Variants in SCD5 observed in about 807,000 individuals in gnomAD.
SCD5 encodes acyl-CoA-desaturase 4.
A neutral mutation model predicts 30.4 loss-of-function variants in SCD5; 20 were observed. The ratio of observed to expected loss-of-function variants is 0.66; its 90% confidence interval spans 0.46 to 0.96. SCD5 has a LOEUF of 0.96. SCD5 is among the 40% of genes least tolerant of loss of function. The probability of loss-of-function intolerance (pLI) is 0.00; values close to 1 mark genes in which losing one functional copy is unlikely to be tolerated. For synonymous variants in SCD5, 173 were observed against 176.4 expected (o/e 0.98, Z 0.16); for missense variants, 381 against 443.3 (o/e 0.86, Z 1.26).
intron 2 of SCD5, among the ~76,000 whole-genome samples, chr4:82,686,010 CTT>C (rs1169222476): frequency 5.5e-5 from 8 of 144,782 alleles, no homozygotes; most frequent in Admixed American, 1.4e-4. Context: ...GGCTTATGCA[CTT>C]TTTTTTTTTT....
chr4:82,787,505 C>A (rs76616958), intron 1 of SCD5, among the ~76,000 whole-genome samples: 9 of 152,152 alleles, frequency 5.9e-5, no homozygotes, highest in African/African-American at 2.2e-4. Context: ...TCAGCAGCCA[C>A]GCCCTCCGCT....
At chr4:82,792,982 A>G (rs1470390035) in intron 1 of SCD5, among the ~76,000 whole-genome samples, 1 of 152,138 alleles carries the variant, frequency 6.6e-6, no homozygotes, top group African/African-American at 2.4e-5. Context: ...ATCTATGTTC[A>G]TACTTGTTGG....
intron 4 of SCD5, 40 bp from the exon 5 acceptor site, chr4:82,631,557 CCT>C: frequency 6.3e-7 from 1 of 1,596,068 alleles, no homozygotes; most frequent in Non-Finnish European, 8.6e-7. Flanking sequence ...TCAATCACCA[CCT>C]CTCTGCATAG....
At chr4:82,653,707 T>TAGATAGATAGATAGAG (rs34976357) in intron 3 of SCD5, among the ~76,000 whole-genome samples, 3 of 61,630 alleles carry the variant, frequency 4.9e-5, no homozygotes, top group Non-Finnish European at 1.0e-4. Context: ...GATAGATAGA[T>TAGATAGATAGATAGAG]ATAGATAGAT....
intron 1 of SCD5, among the ~76,000 whole-genome samples, chr4:82,727,527 C>T (rs1720530624): frequency 1.3e-5 from 2 of 152,218 alleles, no homozygotes; most frequent in Non-Finnish European, 2.9e-5. Context: ...ACAGCTGCTG[C>T]TCCATGCTTT....
At chr4:82,749,469 T>C (rs1039040944) in intron 1 of SCD5, among the ~76,000 whole-genome samples, 4 of 152,224 alleles carry the variant, frequency 2.6e-5, no homozygotes, top group Non-Finnish European at 5.9e-5. Flanking sequence ...AAATAATGAA[T>C]ATACCAATTT....
chr4:82,792,491 C>T (rs1267915443), intron 1 of SCD5, among the ~76,000 whole-genome samples: 1 of 152,200 alleles, frequency 6.6e-6, no homozygotes, highest in South Asian at 2.1e-4. Flanking sequence ...AGGAGGATCG[C>T]TGGATCCCAA....
intron 1 of SCD5, among the ~76,000 whole-genome samples, chr4:82,781,021 AG>A (rs1178606733): frequency 6.6e-6 from 1 of 152,218 alleles, no homozygotes; most frequent in East Asian, 1.9e-4. Flanking sequence ...CATAATTGAA[AG>A]GGAGAGAAAC....
intron 1 of SCD5, among the ~76,000 whole-genome samples, chr4:82,713,218 ATACATATTG>A (rs1375062095): frequency 6.6e-6 from 1 of 152,164 alleles, no homozygotes; most frequent in African/African-American, 2.4e-5. Flanking sequence ...CATGCCTTTT[ATACATATTG>A]CTTATTTTCC....
intron 1 of SCD5, among the ~76,000 whole-genome samples, chr4:82,788,089 C>A (rs1407814932): frequency 6.6e-6 from 1 of 152,148 alleles, no homozygotes; most frequent in Non-Finnish European, 1.5e-5. Flanking sequence ...AGAAGAGACC[C>A]TTCACCCCTT....
chr4:82,639,660 G>C (rs113407260), intron 3 of SCD5, among the ~76,000 whole-genome samples: 8,890 of 152,280 alleles, frequency 0.058, 419 homozygotes, highest in African/African-American at 0.13. Context: ...CCTGGGAGCT[G>C]GTGGTGAGCA....
At chr4:82,677,500 T>C (rs1276172109) in intron 3 of SCD5, among the ~76,000 whole-genome samples, 3 of 152,196 alleles carry the variant, frequency 2.0e-5, no homozygotes, top group Non-Finnish European at 4.4e-5. Context: ...TTGATTCCTG[T>C]GAGGACTCTC....
At chr4:82,752,518 C>A (rs1361541008) in intron 1 of SCD5, among the ~76,000 whole-genome samples, 4 of 152,136 alleles carry the variant, frequency 2.6e-5, no homozygotes, top group Non-Finnish European at 5.9e-5. Context: ...ATAATTGGAA[C>A]AAATGGCTGC....
At chr4:82,726,950 T>C (rs776244161) in intron 1 of SCD5, among the ~76,000 whole-genome samples, 1 of 152,206 alleles carries the variant, frequency 6.6e-6, no homozygotes, top group Non-Finnish European at 1.5e-5. Flanking sequence ...AGGGCACCTG[T>C]CAATTGCTGC....
chr4:82,641,068 G>A (rs72911253), intron 3 of SCD5, among the ~76,000 whole-genome samples: 6,462 of 152,064 alleles, frequency 0.042, 182 homozygotes, highest in South Asian at 0.092. Context: ...TGTATTGGGT[G>A]CTTACTACAT....
intron 1 of SCD5, among the ~76,000 whole-genome samples, chr4:82,785,864 GC>G (rs1560563220): frequency 6.6e-6 from 1 of 152,112 alleles, no homozygotes; most frequent in African/African-American, 2.4e-5. Context: ...TAACAGAGAC[GC>G]CAGGGCAAAA....
chr4:82,753,785 AC>A (rs746974213), intron 1 of SCD5, among the ~76,000 whole-genome samples: 91 of 151,546 alleles, frequency 6.0e-4, no homozygotes, highest in South Asian at 2.7e-3. Context: ...GCCAGCACAT[AC>A]CCCCCTGACA....
At chr4:82,696,268 T>C (rs1719693140) in intron 2 of SCD5, among the ~76,000 whole-genome samples, 1 of 152,200 alleles carries the variant, frequency 6.6e-6, no homozygotes, top group African/African-American at 2.4e-5. Context: ...CCTGTAGACA[T>C]TGTATCTTTG....
chr4:82,710,315 C>T (rs760289861), intron 1 of SCD5, among the ~76,000 whole-genome samples: 37 of 152,142 alleles, frequency 2.4e-4, no homozygotes, highest in Non-Finnish European at 7.3e-5. Context: ...GTGCTCTCTG[C>T]AACCCACCAC....
Sources: allele counts gnomAD v4.1 joint callset (sites outside exome capture counted in the v4.1 genomes callset), GRCh38; gene constraint gnomAD v4.1.1; transcripts MANE v1.5; gene names NCBI Gene and HGNC (gene_info 2026-07-23, HGNC 2026-07-21).